Variants in ADAM10 observed in about 807,000 individuals in gnomAD.
ADAM10 encodes the protein ADAM metallopeptidase domain 10.
In ADAM10, 17 loss-of-function variants were observed where a neutral mutation model predicts 90.1. The observed-to-expected ratio is 0.19, with a 90% CI of 0.13 to 0.28. ADAM10 has a LOEUF of 0.28. ADAM10 is among the 10% of genes least tolerant of loss of function. The probability of loss-of-function intolerance (pLI) is 1.00; values close to 1 mark genes in which losing one functional copy is unlikely to be tolerated. For synonymous variants in ADAM10, 310 were observed against 298.6 expected (o/e 1.04, Z -0.40); for missense variants, 610 against 914.3 (o/e 0.67, Z 4.29).
At chr15:58,645,884 C>T (rs1275538761) in intron 6 of ADAM10, among the ~76,000 whole-genome samples, 171 bp downstream of exon 6, 1 of 152,106 alleles carries the variant, frequency 6.6e-6, no homozygotes, top group African/African-American at 2.4e-5. Flanking sequence ...TAAAATATCC[C>T]AACTGGTCTT....
At chr15:58,657,298 T>G (rs1896851228) in intron 5 of ADAM10, among the ~76,000 whole-genome samples, 1 of 152,228 alleles carries the variant, frequency 6.6e-6, no homozygotes. Context: ...TCTCTTTCTC[T>G]ACCTCCTCTT....
At chr15:58,721,441 CTTATA>C (rs1186977176) in intron 1 of ADAM10, among the ~76,000 whole-genome samples, 3 of 152,122 alleles carry the variant, frequency 2.0e-5, no homozygotes, top group African/African-American at 7.2e-5. Context: ...GGGAAAAAAA[CTTATA>C]TTAAGATAAT....
chr15:58,727,180 T>C (rs909782434), intron 1 of ADAM10, among the ~76,000 whole-genome samples: 1 of 105,890 alleles, frequency 9.4e-6, no homozygotes, highest in African/African-American at 5.0e-5. Context: ...ACTAATCTTT[T>C]TTTTTTTTTT....
rs191302877 is a variant in ADAM10, at chr15:58,686,496, C to A, written c.207-4182G>T. 175 of 1,422,848 alleles carry A rather than the reference C, an allele frequency of 1.2e-4. 2 individuals carry two copies. In the East Asian group the frequency reaches 4.1e-3, roughly 33 times the overall value. 88.1% of individuals were successfully genotyped at this position (1,422,848 alleles called of 1,614,324 possible). A position where few individuals can be genotyped will look rare whatever the true frequency, so the allele number is the denominator to read the frequency against. ...GCTGGCGTGGAGAGGATCAATGTCT[C>A]TCAGGCAGCCGCAGAGCTTCAACAG... On this transcript the variant is annotated intron_variant, in intron 2 of 15. Transcript: ENST00000260408.
At chr15:58,657,174 T>C (rs559914697) in intron 5 of ADAM10, among the ~76,000 whole-genome samples, 1 of 152,348 alleles carries the variant, frequency 6.6e-6, no homozygotes, top group African/African-American at 2.4e-5. Flanking sequence ...TTAGTCTTCA[T>C]TGGGTTAAAT....
chr15:58,610,981 T>TCAA lies in ADAM10; in HGVS notation c.1804+17_1804+18insTTG, dbSNP rs1895423209. 6.3e-7 allele frequency: 1 copy of TCAA among 1,578,214 alleles called. No individual in the cohort carries two copies. Among genetic ancestry groups the TCAA allele is most frequent in the African/African-American group, 1.3e-5 (1 of 74,164 alleles). ...GTTTGAGGCAAATTTTATACTCTTG[T>TCAA]GTTTTTAAAAGCCTTACTTTTCTTC... is the stretch of plus-strand genomic sequence containing the variant. On this transcript the variant is annotated intron_variant, in intron 13 of 15. Transcript: ENST00000260408.
chr15:58,656,090 T>C (rs1896822441), intron 5 of ADAM10, among the ~76,000 whole-genome samples: 1 of 152,090 alleles, frequency 6.6e-6, no homozygotes. Context: ...CTTACAGTTT[T>C]TGTCCTGAAA....
At chr15:58,728,302 G>A (rs1345790384) in intron 1 of ADAM10, among the ~76,000 whole-genome samples, 2 of 152,104 alleles carry the variant, frequency 1.3e-5, no homozygotes, top group African/African-American at 2.4e-5. Flanking sequence ...GGAGCTTTTT[G>A]GATTGATATA....
chr15:58,623,839 G>A (rs374739687), intron 10 of ADAM10, among the ~76,000 whole-genome samples: 12 of 152,044 alleles, frequency 7.9e-5, no homozygotes, highest in African/African-American at 1.7e-4. Context: ...GGGAGGGAGC[G>A]CATTAGGACA....
At chr15:58,627,410 T>C (rs754244314) in intron 10 of ADAM10, among the ~76,000 whole-genome samples, 23 of 152,148 alleles carry the variant, frequency 1.5e-4, no homozygotes, top group Admixed American at 1.1e-3. Context: ...ATTTCACTTA[T>C]GCAGAAAACA....
chr15:58,707,303 G>A (rs1248060814), intron 2 of ADAM10: 1 of 151,872 alleles, frequency 6.6e-6, no homozygotes, highest in Non-Finnish European at 1.5e-5. Flanking sequence ...AGAATCACTT[G>A]AACCTGGGAG....
intron 8 of ADAM10, among the ~76,000 whole-genome samples, chr15:58,638,716 G>C (rs1896337016): frequency 6.6e-6 from 1 of 151,600 alleles, no homozygotes; most frequent in African/African-American, 2.4e-5. Context: ...CACAAATGGT[G>C]ATCCAAATAT....
At chr15:58,650,618 G>T (rs1330396056) in intron 5 of ADAM10, among the ~76,000 whole-genome samples, 2 of 152,082 alleles carry the variant, frequency 1.3e-5, no homozygotes, top group Non-Finnish European at 2.9e-5. Flanking sequence ...AGACACACCT[G>T]GAGAAAAGGT....
At chr15:58,632,096 A>C (rs1459519912) in intron 9 of ADAM10, among the ~76,000 whole-genome samples, 1 of 152,204 alleles carries the variant, frequency 6.6e-6, no homozygotes, top group East Asian at 1.9e-4. Context: ...TACAGTTTTC[A>C]AGTGTACATT....
intron 1 of ADAM10, among the ~76,000 whole-genome samples, chr15:58,739,202 A>G (rs1899523090): frequency 6.6e-6 from 1 of 152,100 alleles, no homozygotes; most frequent in African/African-American, 2.4e-5. Flanking sequence ...CTACCAAGAA[A>G]ATTTATAAAT....
chr15:58,729,110 C>A (rs754492633), intron 1 of ADAM10, among the ~76,000 whole-genome samples: 3 of 152,206 alleles, frequency 2.0e-5, no homozygotes, highest in Middle Eastern at 3.4e-3. Flanking sequence ...GTAATCCCAG[C>A]ACTTTGGGAG....
chr15:58,614,307 GAAAGAAAAAAA>G (rs1895540376), intron 11 of ADAM10, among the ~76,000 whole-genome samples: 2 of 71,156 alleles, frequency 2.8e-5, no homozygotes, highest in Non-Finnish European at 2.3e-5. Flanking sequence ...AAAGAAAAAA[GAAAGAAAAAAA>G]AAAGAAAACC....
chr15:58,643,612 A>G (rs1896470609), intron 7 of ADAM10, among the ~76,000 whole-genome samples: 1 of 152,218 alleles, frequency 6.6e-6, no homozygotes, highest in Non-Finnish European at 1.5e-5. Flanking sequence ...AGCTTTCTTA[A>G]TAATATGTTA....
chr15:58,688,786 A>ATATATATATATAGATATATC, intron 2 of ADAM10, among the ~76,000 whole-genome samples: 1 of 122,394 alleles, frequency 8.2e-6, no homozygotes, highest in African/African-American at 3.6e-5. Flanking sequence ...ATATATATAT[A>ATATATATATATAGATATATC]TCTCTCTCTC....
Sources: allele counts gnomAD v4.1 joint callset (sites outside exome capture counted in the v4.1 genomes callset), GRCh38; gene constraint gnomAD v4.1.1; transcripts MANE v1.5; gene names NCBI Gene and HGNC (gene_info 2026-07-23, HGNC 2026-07-21).